SNX29: variants seen among roughly 807,000 people sequenced by gnomAD.
SNX29 encodes the protein sorting nexin 29, also known as sorting nexin-29.
SNX29 carries 78 observed loss-of-function variants against 102.1 expected under a neutral mutation model. The observed-to-expected ratio is 0.76, with a 90% CI of 0.64 to 0.92. SNX29 has a LOEUF of 0.92. SNX29 is among the 40% of genes least tolerant of loss of function. The pLI, the probability that SNX29 is intolerant of heterozygous loss-of-function variation, is 0.00. For missense variants in SNX29, 1,280 were observed against 1,061.7 expected, an observed-to-expected ratio of 1.21 and a Z score of -2.86; for synonymous variants, 580 against 414.5, an observed-to-expected ratio of 1.40 and a Z score of -4.85.
intron 15 of SNX29, among the ~76,000 whole-genome samples, chr16:12,325,172 T>C (rs2081079682): frequency 6.6e-6 from 1 of 152,164 alleles, no homozygotes; most frequent in Admixed American, 6.5e-5. Context: ...CAAGAAAGAA[T>C]AGAAATCTGA....
intron 11 of SNX29, among the ~76,000 whole-genome samples, chr16:12,113,397 G>A (rs1294005271): frequency 6.6e-6 from 1 of 152,160 alleles, no homozygotes; most frequent in African/African-American, 2.4e-5. Context: ...CCTGTGTTCT[G>A]TCTAAGGATG....
rs1283779668 is a variant in SNX29, at chr16:12,573,826, TTTA to T, written c.*5202_*5204del. 2 of 216,172 alleles carry T rather than the reference TTTA, an allele frequency of 9.3e-6. No individual in the cohort carries two copies. The highest frequency in any genetic ancestry group is 1.9e-5 in the Non-Finnish European group (2 of 107,476). The allele number at this position is 216,172 out of a possible 1,614,324, so 13.4% of individuals were successfully genotyped here. ...GATGGGGGTAGAGCTAATTGGAATT[TTTA>T]TTATCCAGGACTCATCCTAAGAAGA... On this transcript the variant is annotated 3_prime_UTR_variant, in exon 21 of 21. Coordinates refer to ENST00000566228, the MANE Select transcript of SNX29 (RefSeq NM_032167.5).
intron 13 of SNX29, among the ~76,000 whole-genome samples, chr16:12,199,050 C>G (rs977323354): frequency 2.0e-5 from 3 of 152,024 alleles, no homozygotes; most frequent in African/African-American, 7.2e-5. Flanking sequence ...TGGAGTTGGT[C>G]CAACTGCTTG....
At chr16:12,550,801 G>GC (rs2077927660) in intron 20 of SNX29, among the ~76,000 whole-genome samples, 1 of 152,138 alleles carries the variant, frequency 6.6e-6, no homozygotes, top group Non-Finnish European at 1.5e-5. Context: ...GGAAGAGGGA[G>GC]CCAAGAATAT....
chr16:12,078,780 G>GGT, intron 10 of SNX29, 53 bp from the exon 11 acceptor site: 13 of 1,469,322 alleles, frequency 8.8e-6, no homozygotes, highest in Non-Finnish European at 1.2e-5. Flanking sequence ...GAATGGTGAG[G>GGT]GTGTGTACTT....
In SNX29 at chr16:12,365,326, TTGTG is replaced by T. The variant is rs58869867; in HGVS notation, c.1899+9083_1899+9086del. 1.4e-3 allele frequency among the ~76,000 whole-genome samples: 194 copies of T among 139,834 alleles called. 2 individuals are homozygous for T. In the South Asian group the frequency reaches 0.021, roughly 15 times the overall value. 91.7% of individuals were successfully genotyped at this position (139,834 alleles called of 152,430 possible). A position where few individuals can be genotyped will look rare whatever the true frequency, so the allele number is the denominator to read the frequency against. On this transcript the variant is annotated intron_variant, in intron 16 of 20. Coordinates refer to ENST00000566228, the MANE Select transcript of SNX29 (RefSeq NM_032167.5). ...TCCTTCTCACTTCATACATCAGGATTTGTGTGTGTGTGTGTGTGTGTGTGTGTGT... is the reference window on the plus strand; with the variant it reads ...TCCTTCTCACTTCATACATCAGGATTTGTGTGTGTGTGTGTGTGTGTGTGT...
At chr16:12,548,771 C>T (rs940874648) in intron 20 of SNX29, among the ~76,000 whole-genome samples, 1 of 152,170 alleles carries the variant, frequency 6.6e-6, no homozygotes, top group Non-Finnish European at 1.5e-5. Context: ...CTCTCATCCC[C>T]CAGCCACCAC....
At chr16:12,462,522 A>G (rs1197424495) in intron 18 of SNX29, among the ~76,000 whole-genome samples, 2 of 152,130 alleles carry the variant, frequency 1.3e-5, no homozygotes, top group Non-Finnish European at 2.9e-5. Context: ...AAAATCTATC[A>G]CCATTCAGAA....
At chr16:12,542,029 CTTTTT>C (rs993726374) in intron 20 of SNX29, among the ~76,000 whole-genome samples, 4 of 152,058 alleles carry the variant, frequency 2.6e-5, no homozygotes, top group Non-Finnish European at 4.4e-5. Flanking sequence ...TCTGTTTTTT[CTTTTT>C]TTAATTAGTT....
rs1239875546 is a variant in SNX29 at position 12,572,643 on chromosome 16, AC to A, written c.*4016del. On this transcript the variant is annotated 3_prime_UTR_variant, in exon 21 of 21. Transcript: ENST00000566228. Reference sequence around the variant, plus strand: ...CCCAGAATCCATCCTTCATTCCTCCACCAAGCTCCTGTGTGAGCTGCAGCAC... The same window carrying A: ...CCCAGAATCCATCCTTCATTCCTCCACAAGCTCCTGTGTGAGCTGCAGCAC... The A allele has an allele frequency of 2.2e-5, 23 of 1,063,556 alleles. No homozygotes were observed. In the Admixed American group the frequency reaches 1.2e-3, roughly 57 times the overall value. The allele number at this position is 1,063,556 out of a possible 1,614,324, so 65.9% of individuals were successfully genotyped here.
At position 12,571,730 on chromosome 16, in the gene SNX29, C is replaced by T; in HGVS notation, c.*3101C>T. On this transcript the variant is annotated 3_prime_UTR_variant, in exon 21 of 21. Transcript: ENST00000566228. ...TCTAAGGGAGGGAGCTTAAAGGCTG[C>T]TAGAAACCTAGCCCAACCATCCACT... 8 of 1,041,582 alleles carry T rather than the reference C, an allele frequency of 7.7e-6. No individual in the cohort carries two copies. Among genetic ancestry groups the T allele is most frequent in the Non-Finnish European group, 9.3e-6 (8 of 858,856 alleles). 64.5% of individuals were successfully genotyped at this position (1,041,582 alleles called of 1,614,324 possible).
At chr16:12,556,679 A>G (rs1400635607) in intron 20 of SNX29, 1 of 152,210 alleles carries the variant, frequency 6.6e-6, no homozygotes, top group African/African-American at 2.4e-5. Flanking sequence ...AGCAGTAGTC[A>G]TGTGTCTGGA....
chr16:12,084,382 G>T (rs2052059369), intron 11 of SNX29, among the ~76,000 whole-genome samples: 1 of 152,202 alleles, frequency 6.6e-6, no homozygotes, highest in South Asian at 2.1e-4. Context: ...CTGACCTTGT[G>T]ATCCGCCCAC....
chr16:12,026,567 C>T (rs549744457), intron 3 of SNX29, among the ~76,000 whole-genome samples: 2 of 152,220 alleles, frequency 1.3e-5, no homozygotes, highest in African/African-American at 4.8e-5. Context: ...GCTGTGACCT[C>T]ATCTCTTTGT....
chr16:12,130,474 C>CAA (rs71139578), intron 13 of SNX29, among the ~76,000 whole-genome samples: 2,002 of 55,280 alleles, frequency 0.036, 260 homozygotes, highest in African/African-American at 0.081. Context: ...GACTCCGTCT[C>CAA]AAAAAAAAAA....
chr16:12,313,497 C>G (rs2080631931), intron 15 of SNX29, among the ~76,000 whole-genome samples: 1 of 152,230 alleles, frequency 6.6e-6, no homozygotes, highest in Non-Finnish European at 1.5e-5. Context: ...TGATAAGTTC[C>G]TGCCAGATGA....
intron 4 of SNX29, among the ~76,000 whole-genome samples, chr16:12,039,530 G>C (rs1271865871): frequency 6.6e-6 from 1 of 151,858 alleles, no homozygotes; most frequent in Non-Finnish European, 1.5e-5. Flanking sequence ...AAACATTAGA[G>C]TGAATTTAAC....
chr16:12,549,133 G>T (rs754836055), intron 20 of SNX29, among the ~76,000 whole-genome samples: 3 of 152,176 alleles, frequency 2.0e-5, no homozygotes, highest in Non-Finnish European at 4.4e-5. Flanking sequence ...AAATTCTGGG[G>T]TAGTTTTGAT....
At chr16:12,219,182 G>C (rs924159039) in intron 14 of SNX29, among the ~76,000 whole-genome samples, 3 of 152,102 alleles carry the variant, frequency 2.0e-5, no homozygotes, top group Non-Finnish European at 2.9e-5. Flanking sequence ...CTGATTCAAA[G>C]CGTGGGTGCA....
Sources: allele counts gnomAD v4.1 joint callset (sites outside exome capture counted in the v4.1 genomes callset), GRCh38; gene constraint gnomAD v4.1.1; transcripts MANE v1.5; gene names NCBI Gene and HGNC (gene_info 2026-07-23, HGNC 2026-07-21).